Variants in PPM1L observed in about 807,000 individuals in gnomAD.
The protein encoded by PPM1L is protein phosphatase, Mg2+/Mn2+ dependent 1L, also known as protein phosphatase 1L.
A neutral mutation model predicts 31.4 loss-of-function variants in PPM1L; 13 were observed. The ratio of observed to expected loss-of-function variants is 0.41; its 90% CI spans 0.27 to 0.66. The LOEUF is 0.66. Among genes scored for constraint, PPM1L ranks in the 30% least tolerant of loss-of-function variants. The pLI, the probability that PPM1L is intolerant of heterozygous loss-of-function variation, is 0.29. For synonymous variants in PPM1L, 184 were observed against 175.4 expected (o/e 1.05, Z -0.39); for missense variants, 326 against 453.7 (o/e 0.72, Z 2.56).
chr3:160,943,438 C>T (rs1192784319), intron 1 of PPM1L, among the ~76,000 whole-genome samples: 7 of 152,156 alleles, frequency 4.6e-5, no homozygotes, highest in African/African-American at 1.2e-4. Context: ...TCCCTGATGG[C>T]ACTCATTAAA....
intron 1 of PPM1L, among the ~76,000 whole-genome samples, chr3:160,786,151 C>CTG (rs1318787874): frequency 1.4e-4 from 12 of 85,690 alleles, no homozygotes; most frequent in African/African-American, 7.6e-4. Context: ...CTCTCTCTCT[C>CTG]TCTCTCTGTG....
intron 2 of PPM1L, among the ~76,000 whole-genome samples, chr3:161,014,297 A>G (rs1718001133): frequency 6.6e-6 from 1 of 152,106 alleles, no homozygotes; most frequent in African/African-American, 2.4e-5. Context: ...ATCTTTTCCT[A>G]AAGTTGCATT....
intron 2 of PPM1L, among the ~76,000 whole-genome samples, chr3:161,051,373 T>TACACACACACACAC (rs5853922): frequency 6.8e-6 from 1 of 147,458 alleles, no homozygotes; most frequent in African/African-American, 2.5e-5. Flanking sequence ...ATTTAGTCAC[T>TACACACACACACAC]ACACACACAC....
At chr3:160,940,274 A>G (rs530672221) in intron 1 of PPM1L, among the ~76,000 whole-genome samples, 2 of 152,332 alleles carry the variant, frequency 1.3e-5, no homozygotes, top group Non-Finnish European at 2.9e-5. Flanking sequence ...TGACTATGCA[A>G]TAGAAAAGAA....
chr3:160,794,136 A>G (rs1313734850), intron 1 of PPM1L, among the ~76,000 whole-genome samples: 1 of 152,156 alleles, frequency 6.6e-6, no homozygotes, highest in Admixed American at 6.5e-5. Context: ...CATTTTATCT[A>G]GGGCCTCTTT....
rs1428975524 is a variant in PPM1L, at chr3:161,071,271, A to G, written c.*2114A>G. On this transcript the variant is annotated 3_prime_UTR_variant, in exon 4 of 4. Transcript: ENST00000498165. ...ATGGTGTCAGCACTTTACAGCCCAT[A>G]GCCAACTTTCTTTATTTTTAACGTA... The G allele has an allele frequency of 6.6e-6, 1 of 152,238 alleles. No individual in the cohort carries two copies. The highest frequency in any genetic ancestry group is 1.9e-4 in the East Asian group (1 of 5,206). The allele number at this position is 152,238 out of a possible 1,614,324, so 9.4% of individuals were successfully genotyped here.
chr3:160,937,447 C>T (rs1309268463), intron 1 of PPM1L, among the ~76,000 whole-genome samples: 1 of 151,966 alleles, frequency 6.6e-6, no homozygotes, highest in Non-Finnish European at 1.5e-5. Context: ...GGTGAAACCC[C>T]GTCTCTACTA....
At chr3:160,855,806 T>G (rs539156433) in intron 1 of PPM1L, among the ~76,000 whole-genome samples, 1 of 152,292 alleles carries the variant, frequency 6.6e-6, no homozygotes, top group African/African-American at 2.4e-5. Context: ...ATTTGGTGAT[T>G]TCTCAAAGAA....
rs573282418 is a variant in PPM1L, at chr3:160,968,055, A to G, written c.574+6145A>G. Among the ~76,000 whole-genome samples the G allele has an allele frequency of 2.0e-5, 3 of 152,092 alleles. 1 individual carries two copies. The South Asian group carries it at 6.2e-4, about 32-fold the overall frequency. On this transcript the variant is annotated intron_variant, in intron 2 of 3. Coordinates refer to ENST00000498165, the MANE Select transcript of PPM1L (RefSeq NM_139245.4). ...TAATTTGTACCTAATTTCTGACCAA[A>G]AGAAGACCATCACTCAGCTTTCATA...
intron 2 of PPM1L, among the ~76,000 whole-genome samples, chr3:160,984,506 G>A (rs1200326494): frequency 6.6e-6 from 1 of 152,158 alleles, no homozygotes; most frequent in South Asian, 2.1e-4. Flanking sequence ...GTCCTGAGGC[G>A]ACATACATCC....
intron 1 of PPM1L, among the ~76,000 whole-genome samples, chr3:160,913,575 C>T (rs1215856567): frequency 6.6e-6 from 1 of 152,024 alleles, no homozygotes; most frequent in African/African-American, 2.4e-5. Flanking sequence ...GATCCTTGGC[C>T]CCAGGCAATC....
intron 1 of PPM1L, among the ~76,000 whole-genome samples, chr3:160,780,854 A>G (rs1456255567): frequency 2.0e-5 from 3 of 152,166 alleles, no homozygotes; most frequent in Non-Finnish European, 4.4e-5. Context: ...TTCTTTTTTG[A>G]AATACAAGAA....
chr3:160,983,324 C>T (rs1716861658), intron 2 of PPM1L, among the ~76,000 whole-genome samples: 1 of 152,036 alleles, frequency 6.6e-6, no homozygotes, highest in African/African-American at 2.4e-5. Context: ...GTTGACTGTA[C>T]CTCTTTGTAA....
chr3:160,963,155 G>T (rs1353003083), intron 2 of PPM1L, among the ~76,000 whole-genome samples: 1 of 151,880 alleles, frequency 6.6e-6, no homozygotes, highest in Non-Finnish European at 1.5e-5. Context: ...ATAGATCATA[G>T]AACTCATATA....
intron 2 of PPM1L, among the ~76,000 whole-genome samples, chr3:161,040,412 A>G (rs866016493): frequency 3.9e-5 from 6 of 152,218 alleles, no homozygotes; most frequent in Admixed American, 6.5e-5. Flanking sequence ...ACTTAATTTA[A>G]GATCCTTAAG....
In PPM1L at chr3:161,075,539, C is replaced by T. The variant is rs777646183; in HGVS notation, c.*6382C>T. On this transcript the variant is annotated 3_prime_UTR_variant, in exon 4 of 4. Coordinates refer to ENST00000498165, the MANE Select transcript of PPM1L (RefSeq NM_139245.4). ...GCTTCCTTTTGTAGGACTGATGGCA[C>T]GGGCAGAATCACATTTAAGAAAAAT... is the stretch of plus-strand genomic sequence containing the variant. The T allele has an allele frequency of 3.3e-5, 5 of 151,972 alleles. No individual in the cohort carries two copies. Among genetic ancestry groups the T allele is most frequent in the African/African-American group, 7.3e-5 (3 of 41,356 alleles). The allele number at this position is 151,972 out of a possible 1,614,324, so 9.4% of individuals were successfully genotyped here. A position where few individuals can be genotyped will look rare whatever the true frequency, so the allele number is the denominator to read the frequency against.
intron 1 of PPM1L, among the ~76,000 whole-genome samples, chr3:160,792,471 C>T (rs561000276): frequency 4.3e-4 from 65 of 151,998 alleles, no homozygotes; most frequent in Non-Finnish European, 8.8e-4. Flanking sequence ...ACAGAGTTCC[C>T]ATATGCTTTA....
intron 1 of PPM1L, among the ~76,000 whole-genome samples, chr3:160,823,386 T>G (rs1713263575): frequency 7.2e-6 from 1 of 138,048 alleles, no homozygotes; most frequent in South Asian, 2.3e-4. Flanking sequence ...TTTTTTTTTG[T>G]ATTTTTAGTA....
chr3:160,842,796 T>G (rs1713926656), intron 1 of PPM1L, among the ~76,000 whole-genome samples: 1 of 152,198 alleles, frequency 6.6e-6, no homozygotes, highest in Admixed American at 6.5e-5. Flanking sequence ...AGGTGCCAAC[T>G]GGAAGGGCCA....
Sources: gnomAD v4.1 joint callset for allele counts (sites outside exome capture counted in the v4.1 genomes callset) on GRCh38, gnomAD v4.1.1 for gene constraint, MANE v1.5 for transcripts, NCBI Gene and HGNC (gene_info 2026-07-23, HGNC 2026-07-21) for gene names.